ABCC12: variants seen among roughly 807,000 people sequenced by gnomAD.
The protein encoded by ABCC12 is ATP-binding cassette sub-family C member 12.
Under a neutral mutation model 151.1 loss-of-function variants are expected in ABCC12, and 142 were observed. The ratio of observed to expected loss-of-function variants is 0.94; its 90% CI spans 0.82 to 1.08. The LOEUF is 1.08. Ranked by LOEUF, ABCC12 falls within the 50% of genes least tolerant of loss-of-function variation. ABCC12 has a pLI of 0.00. For missense variants in ABCC12, 1,638 were observed against 1,691.1 expected (o/e 0.97, Z 0.55); for synonymous variants, 645 against 646.4 (o/e 1.00, Z 0.03).
intron 6 of ABCC12, 117 bp downstream of exon 6, chr16:48,140,570 G>T: frequency 1.0e-6 from 1 of 953,558 alleles, no homozygotes; most frequent in Non-Finnish European, 1.6e-6. Context: ...GGACATGATG[G>T]GCAGGTCATA....
chr16:48,122,956 C>T (rs1379864630), intron 12 of ABCC12, among the ~76,000 whole-genome samples: 2 of 152,200 alleles, frequency 1.3e-5, no homozygotes, highest in African/African-American at 4.8e-5. Flanking sequence ...AAGTTACCTG[C>T]CCAAGGCTAA....
chr16:48,103,994 A>G, intron 22 of ABCC12, 148 bp downstream of exon 22: 2 of 811,698 alleles, frequency 2.5e-6, no homozygotes, highest in Admixed American at 5.8e-5. Flanking sequence ...TGCCAGATGT[A>G]TGCAAAGCAC....
At position 48,084,033 on chromosome 16, in the gene ABCC12, T is replaced by C; in HGVS notation, c.3869A>G (p.Lys1290Arg). The change falls in exon 30 of 31, where the codon AAG becomes AGG. Residue 1290 changes from lysine to arginine, a missense_variant. Physicochemically the swap from Lys to Arg is conservative, Grantham distance 26. Coordinates refer to ENST00000311303, the MANE Select transcript of ABCC12 (RefSeq NM_001393797.1). ...GGTGTTCTGAACCAGGGTGTCAGTC[T>C]TGGAGTCCATAGAGGCGGTGGCTTC... ...LDEATASMDS[K>R]TDTLVQNTIK... is the part of the protein sequence containing the mutation. 1 of 1,612,526 alleles carries C rather than the reference T, an allele frequency of 6.2e-7. No individual in the cohort carries two copies. The highest frequency in any genetic ancestry group is 8.5e-7 in the Non-Finnish European group (1 of 1,179,682).
At chr16:48,123,937 T>C (rs1964153515) in intron 12 of ABCC12, among the ~76,000 whole-genome samples, 1 of 152,210 alleles carries the variant, frequency 6.6e-6, no homozygotes, top group Non-Finnish European at 1.5e-5. Context: ...TAAGGACCCA[T>C]CTCTCCTTTG....
chr16:48,108,127 A>C (rs1309886679), intron 19 of ABCC12, among the ~76,000 whole-genome samples: 2 of 152,226 alleles, frequency 1.3e-5, no homozygotes, highest in Non-Finnish European at 2.9e-5. Flanking sequence ...AGCATCTTTT[A>C]TGGAAGGCTG....
intron 13 of ABCC12, among the ~76,000 whole-genome samples, chr16:48,119,465 A>T (rs1304889127): frequency 6.6e-6 from 1 of 152,266 alleles, no homozygotes; most frequent in Non-Finnish European, 1.5e-5. Flanking sequence ...TCCAGTCCGC[A>T]TCCACAGACA....
In ABCC12 at chr16:48,139,311, C is replaced by T. The variant is rs751972370; in HGVS notation, c.683G>A (p.Ser228Asn). Reference sequence around the variant, plus strand: ...CAAGGCAGCTTCAAACAAAGAATAGCTATCACTTGACAGTATATTGAGCAC... The same window carrying T: ...CAAGGCAGCTTCAAACAAAGAATAGTTATCACTTGACAGTATATTGAGCAC... ...GEVLNILSSD[S>N]YSLFEAALFC... Residue 228 changes from serine (S) to asparagine (N), a missense_variant, in exon 7 of 31, where the codon AGC (serine) becomes AAC (asparagine). Physicochemically the swap from Ser to Asn is conservative, Grantham distance 46 (BLOSUM62 1). Coordinates refer to ENST00000311303, the MANE Select transcript of ABCC12 (RefSeq NM_001393797.1). 4 of 1,612,984 alleles carry T rather than the reference C, an allele frequency of 2.5e-6. No individual in the cohort carries two copies. Among genetic ancestry groups the T allele is most frequent in the Middle Eastern group, 1.7e-4 (1 of 6,054 alleles).
At chr16:48,138,197 G>A (rs919310002) in intron 8 of ABCC12, 31 bp downstream of exon 8, 7 of 1,577,312 alleles carry the variant, frequency 4.4e-6, no homozygotes, top group Non-Finnish European at 6.1e-6. Context: ...TACAAGGTAA[G>A]TGGTTCTTTA....
At position 48,086,997 on chromosome 16, in the gene ABCC12, G is replaced by A. The variant is rs1201184742; in HGVS notation, c.3636-178C>T. 1.4e-4 allele frequency among the ~76,000 whole-genome samples: 22 copies of A among 152,222 alleles called. 1 individual carries two copies. The highest frequency in any genetic ancestry group is 8.5e-4 in the Admixed American group (13 of 15,282). On this transcript the variant is annotated intron_variant, in intron 27 of 30. Coordinates refer to ENST00000311303, the MANE Select transcript of ABCC12 (RefSeq NM_001393797.1). ...CCACAAAATATGGACCTCAGGCCAC[G>A]AGACCAAGGGCCCACAACTCTGCAA...
chr16:48,101,116 G>C, intron 22 of ABCC12, 107 bp from the exon 23 acceptor site: 2 of 1,310,636 alleles, frequency 1.5e-6, no homozygotes, highest in Non-Finnish European at 2.1e-6. Context: ...GCTTAAGTCA[G>C]AGACGGTGCC....
Position 48,139,216 on chromosome 16 carries a change from C to T in ABCC12, c.778G>A (p.Gly260Arg), listed in dbSNP as rs1280006036. The change falls in exon 7 of 31, where the codon GGG becomes AGG. Residue 260 changes from glycine to arginine, a missense_variant. Coordinates refer to ENST00000311303, the MANE Select transcript of ABCC12 (RefSeq NM_001393797.1). ...GATATCCCGATGAGAGCTGTGGGCC[C>T]CAGAATGAAAAAGGCGTACGCCGCA... ...FCAAYAFFIL[G>R]PTALIGISVY... The T allele has an allele frequency of 6.2e-7, 1 of 1,613,920 alleles. No homozygotes were observed. Among genetic ancestry groups the T allele is most frequent in the South Asian group, 1.1e-5 (1 of 91,034 alleles).
At chr16:48,113,359 C>A (rs1264086121) in intron 15 of ABCC12, among the ~76,000 whole-genome samples, 5 of 152,170 alleles carry the variant, frequency 3.3e-5, no homozygotes, top group Non-Finnish European at 7.3e-5. Flanking sequence ...TGTTCCAGTC[C>A]CATAGCCACA....
rs1393123764 is a variant in ABCC12 at position 48,082,929 on chromosome 16, G to A, written c.*786C>T. ...CTCCAGGTTGGAGAGAAAGCTTTTT[G>A]TTTGGTAAGCGACTGTGAAGGTTCA... On this transcript the variant is annotated 3_prime_UTR_variant, in exon 31 of 31. Coordinates refer to ENST00000311303, the MANE Select transcript of ABCC12 (RefSeq NM_001393797.1). The A allele has an allele frequency of 1.1e-4, 17 of 152,158 alleles. No individual in the cohort carries two copies. The highest frequency in any genetic ancestry group is 4.1e-4 in the African/African-American group (17 of 41,428). 9.4% of individuals were successfully genotyped at this position (152,158 alleles called of 1,614,324 possible). A position where few individuals can be genotyped will look rare whatever the true frequency, so the allele number is the denominator to read the frequency against.
At chr16:48,138,816 T>A (rs75798730) in intron 7 of ABCC12, among the ~76,000 whole-genome samples, 2 of 150,550 alleles carry the variant, frequency 1.3e-5, no homozygotes, top group African/African-American at 2.5e-5. Context: ...TTTTTTTTTT[T>A]AACTAGCCAG....
At chr16:48,146,277 C>T in intron 3 of ABCC12, 29 bp downstream of exon 3, 1 of 1,597,454 alleles carries the variant, frequency 6.3e-7, no homozygotes, top group Non-Finnish European at 8.6e-7. Context: ...CCTGCCCTGG[C>T]CCTCCCTTCT....
At chr16:48,129,429 T>C (rs974303498) in intron 10 of ABCC12, among the ~76,000 whole-genome samples, 2 of 152,050 alleles carry the variant, frequency 1.3e-5, no homozygotes, top group Non-Finnish European at 2.9e-5. Flanking sequence ...GCATTCTACC[T>C]GAAGGCCCAG....
At chr16:48,129,530 A>G (rs1341225035) in intron 10 of ABCC12, among the ~76,000 whole-genome samples, 1 of 152,146 alleles carries the variant, frequency 6.6e-6, no homozygotes, top group Non-Finnish European at 1.5e-5. Context: ...CACAGAGCTC[A>G]AGTTGGGAAG....
rs1403363718 is a variant in ABCC12, at chr16:48,096,895, G to A, written c.3046C>T (p.Leu1016Phe). Residue 1016 changes from leucine to phenylalanine, a missense_variant, in exon 24 of 31, where the codon CTC (leucine) becomes TTC (phenylalanine). Leu to Phe is a conservative substitution (Grantham distance 22, BLOSUM62 0). Transcript: ENST00000311303. Reference sequence around the variant, plus strand: ...CACCTGAGAGCACAGTTAAAGTAGAGGAGGTGACTGGAGTTTTCGTCGTTT... The same window carrying A: ...CACCTGAGAGCACAGTTAAAGTAGAAGAGGTGACTGGAGTTTTCGTCGTTT... ...KKESCITYHL[L>F]YFNCALRWFA... 6.2e-7 allele frequency: 1 copy of A among 1,614,032 alleles called. No individual in the cohort carries two copies. The highest frequency in any genetic ancestry group is 8.5e-7 in the Non-Finnish European group (1 of 1,180,048).
At chr16:48,106,601 C>T (rs984107624) in intron 20 of ABCC12, among the ~76,000 whole-genome samples, 1 of 152,176 alleles carries the variant, frequency 6.6e-6, no homozygotes, top group Non-Finnish European at 1.5e-5. Context: ...GCAGGCCACC[C>T]AGCAGCCTCT....
Sources: gnomAD v4.1 joint callset for allele counts (sites outside exome capture counted in the v4.1 genomes callset) on GRCh38, gnomAD v4.1.1 for gene constraint, MANE v1.5 for transcripts, NCBI Gene and HGNC (gene_info 2026-07-23, HGNC 2026-07-21) for gene names.